PTPRT: variants seen among roughly 807,000 people sequenced by gnomAD.
PTPRT encodes the protein protein tyrosine phosphatase receptor type T.
In PTPRT, 56 loss-of-function variants were observed where a neutral mutation model predicts 176.8. The ratio of observed to expected loss-of-function variants is 0.32; its 90% CI spans 0.26 to 0.40. The LOEUF is 0.40. Ranked by LOEUF, PTPRT falls within the 10% of genes least tolerant of loss-of-function variation. The probability of loss-of-function intolerance (pLI) is 1.00; values close to 1 mark genes in which losing one functional copy is unlikely to be tolerated. For synonymous variants in PTPRT, 783 were observed against 739.0 expected (o/e 1.06, Z -0.96); for missense variants, 1,540 against 1,908.2 (o/e 0.81, Z 3.60).
intron 1 of PTPRT, 140 bp from the exon 2 acceptor site, chr20:42,886,072 A>ATATAT: frequency 3.1e-6 from 1 of 324,994 alleles, no homozygotes; most frequent in Non-Finnish European, 4.6e-6. Flanking sequence ...TATATATATA[A>ATATAT]AAGATGAGCA....
intron 2 of PTPRT, among the ~76,000 whole-genome samples, chr20:42,815,785 G>A (rs1356106248): frequency 6.6e-6 from 1 of 152,050 alleles, no homozygotes; most frequent in Non-Finnish European, 1.5e-5. Flanking sequence ...GGATCCTGGG[G>A]AGAAATGTCA....
chr20:42,774,821 G>A (rs2077111134), intron 4 of PTPRT, among the ~76,000 whole-genome samples: 1 of 152,124 alleles, frequency 6.6e-6, no homozygotes, highest in African/African-American at 2.4e-5. Context: ...GGGGCTCTGG[G>A]TCATCCTTGG....
intron 9 of PTPRT, among the ~76,000 whole-genome samples, chr20:42,379,092 C>T (rs1053137993): frequency 6.6e-6 from 1 of 152,188 alleles, no homozygotes; most frequent in Non-Finnish European, 1.5e-5. Flanking sequence ...TTGCTTCTGC[C>T]TTCAGGTGCT....
At position 42,732,054 on chromosome 20, in the gene PTPRT, T is replaced by C. The variant is rs569657202; in HGVS notation, c.859+24408A>G. ...GTCTCAATCACAATTTGTAATTCTA[T>C]ATTGTTCCATTAACTCTTTCAAAGT... On this transcript the variant is annotated intron_variant, in intron 6 of 30. Transcript: ENST00000373187. Among the ~76,000 whole-genome samples the C allele has an allele frequency of 6.6e-5, 10 of 152,348 alleles. 1 individual carries two copies. Among genetic ancestry groups the C allele is most frequent in the Admixed American group, 2.6e-4 (4 of 15,310 alleles).
intron 9 of PTPRT, among the ~76,000 whole-genome samples, chr20:42,446,621 TGAGA>T (rs369315599): frequency 5.2e-4 from 68 of 130,160 alleles, no homozygotes; most frequent in African/African-American, 1.8e-3. Flanking sequence ...TGTGTGTGTG[TGAGA>T]GAGAGAGAGA....
intron 1 of PTPRT, among the ~76,000 whole-genome samples, chr20:43,119,882 C>A (rs549140355): frequency 2.0e-5 from 3 of 152,276 alleles, no homozygotes; most frequent in East Asian, 3.9e-4. Flanking sequence ...ACCAGAAGAA[C>A]CAGGCTTGAG....
intron 7 of PTPRT, among the ~76,000 whole-genome samples, chr20:42,493,064 C>T (rs2071588698): frequency 6.6e-6 from 1 of 152,246 alleles, no homozygotes. Context: ...ACAAAAACAA[C>T]CATAATTTGC....
In PTPRT at chr20:42,303,812, G is replaced by A. The variant is rs1317435122; in HGVS notation, c.2139+11911C>T. 2.6e-5 allele frequency among the ~76,000 whole-genome samples: 4 copies of A among 152,166 alleles called. No homozygotes were observed. The East Asian group carries it at 7.7e-4, about 29-fold the overall frequency. On this transcript the variant is annotated intron_variant, in intron 12 of 30. Transcript: ENST00000373187. ...AGTGCATGGATTAGAGAGAGCTTCA[G>A]AGTGTAGAACAAAGAGAACTTGGTG...
intron 7 of PTPRT, among the ~76,000 whole-genome samples, chr20:42,532,263 A>G (rs1246990702): frequency 1.3e-5 from 2 of 152,122 alleles, no homozygotes; most frequent in South Asian, 4.1e-4. Context: ...TCCCCACCCC[A>G]TAGGGCTGTT....
At position 42,128,887 on chromosome 20, in the gene PTPRT, G is replaced by A. The variant is rs1488680585; in HGVS notation, c.2771-57C>T. 6 of 1,438,530 alleles carry A rather than the reference G, an allele frequency of 4.2e-6. No individual in the cohort carries two copies. The East Asian group carries it at 7.1e-5, about 17-fold the overall frequency. 89.1% of individuals were successfully genotyped at this position (1,438,530 alleles called of 1,614,324 possible). ...TGATAAGAGGCCTTACGCAGCTAAT[G>A]TCCTCCTTTAGAACTACTGTTTATT... On this transcript the variant is annotated intron_variant, in intron 18 of 30. Coordinates refer to ENST00000373187, the MANE Select transcript of PTPRT (RefSeq NM_007050.6).
At chr20:42,739,556 T>G (rs2076578636) in intron 6 of PTPRT, among the ~76,000 whole-genome samples, 1 of 151,630 alleles carries the variant, frequency 6.6e-6, no homozygotes, top group African/African-American at 2.4e-5. Context: ...GAAAGAAAGA[T>G]GGGGAAGTGT....
intron 11 of PTPRT, among the ~76,000 whole-genome samples, chr20:42,337,632 C>T (rs1388372532): frequency 6.6e-6 from 1 of 152,092 alleles, no homozygotes; most frequent in African/African-American, 2.4e-5. Context: ...TCCTGGAGGA[C>T]ATGTTAAAAC....
chr20:42,352,384 G>A, intron 9 of PTPRT, 99 bp from the exon 10 acceptor site: 1 of 1,192,706 alleles, frequency 8.4e-7, no homozygotes, highest in Non-Finnish European at 1.2e-6. Context: ...GGGGGAAGGG[G>A]CAGGCATGTG....
intron 13 of PTPRT, among the ~76,000 whole-genome samples, chr20:42,281,064 T>C (rs2057131288): frequency 6.6e-6 from 1 of 152,072 alleles, no homozygotes; most frequent in Non-Finnish European, 1.5e-5. Context: ...TTTCCTTCCC[T>C]CTCCAGCTGC....
At chr20:42,795,015 T>C (rs577819264) in intron 2 of PTPRT, among the ~76,000 whole-genome samples, 4 of 152,248 alleles carry the variant, frequency 2.6e-5, no homozygotes, top group African/African-American at 9.6e-5. Context: ...TGAAAACCCT[T>C]GTATATCATC....
At chr20:42,398,483 T>TGGAG (rs2058873081) in intron 9 of PTPRT, among the ~76,000 whole-genome samples, 1 of 152,230 alleles carries the variant, frequency 6.6e-6, no homozygotes, top group Non-Finnish European at 1.5e-5. Flanking sequence ...TATATCGTCA[T>TGGAG]TAAATGATGC....
In PTPRT at chr20:43,189,768, G is replaced by T; in HGVS notation, c.-35C>A. 1 of 1,125,112 alleles carries T rather than the reference G, an allele frequency of 8.9e-7. No homozygotes were observed. The highest frequency in any genetic ancestry group is 1.1e-6 in the Non-Finnish European group (1 of 917,712). 69.7% of individuals were successfully genotyped at this position (1,125,112 alleles called of 1,614,324 possible). On this transcript the variant is annotated 5_prime_UTR_variant, in exon 1 of 31. Transcript: ENST00000373187. This position sits in a 1 kb window ranked among gnomAD's most constrained non-coding sequence, Gnocchi z 5.0. ...GGCGGGCAGCTCAGCCCCTTCCCGC[G>T]GGGGCCGGGGCCGGGACTGGGGCGG... is the stretch of plus-strand genomic sequence containing the variant.
chr20:42,504,922 T>C (rs1184120879), intron 7 of PTPRT, among the ~76,000 whole-genome samples: 2 of 152,202 alleles, frequency 1.3e-5, no homozygotes, highest in Admixed American at 6.5e-5. Flanking sequence ...AGAAATAAGT[T>C]ATGCATACAC....
At chr20:43,104,226 C>T (rs1352664886) in intron 1 of PTPRT, among the ~76,000 whole-genome samples, 1 of 152,144 alleles carries the variant, frequency 6.6e-6, no homozygotes, top group Non-Finnish European at 1.5e-5. Flanking sequence ...CAGCTCCCAG[C>T]ACACAATAGG....
Sources: allele counts gnomAD v4.1 joint callset (sites outside exome capture counted in the v4.1 genomes callset), GRCh38; gene constraint gnomAD v4.1.1; non-coding constraint Gnocchi (gnomAD v3.1); transcripts MANE v1.5; gene names NCBI Gene and HGNC (gene_info 2026-07-23, HGNC 2026-07-21).